Variants in FNDC3B observed in about 807,000 individuals in gnomAD.
FNDC3B encodes fibronectin type III domain containing 3B, also known as fibronectin type III domain-containing protein 3B.
A neutral mutation model predicts 151.5 loss-of-function variants in FNDC3B; 12 were observed. The ratio of observed to expected loss-of-function variants is 0.08; its 90% CI spans 0.05 to 0.13. FNDC3B has a LOEUF of 0.13. Among genes scored for constraint, FNDC3B ranks in the 10% least tolerant of loss-of-function variants. The probability of loss-of-function intolerance (pLI) is 1.00; values close to 1 mark genes in which losing one functional copy is unlikely to be tolerated. For missense variants in FNDC3B, 1,214 were observed against 1,505.3 expected, an observed-to-expected ratio of 0.81 and a Z score of 3.20; for synonymous variants, 528 against 549.0, an observed-to-expected ratio of 0.96 and a Z score of 0.54.
At chr3:172,359,662 AAT>A (rs1216964685) in intron 22 of FNDC3B, among the ~76,000 whole-genome samples, 2 of 152,218 alleles carry the variant, frequency 1.3e-5, no homozygotes, top group Admixed American at 6.5e-5. Context: ...GTTGCCGAAA[AAT>A]ATGTTACATT....
chr3:172,396,549 G>A (rs1340601426), intron 25 of FNDC3B, among the ~76,000 whole-genome samples: 2 of 152,130 alleles, frequency 1.3e-5, no homozygotes, highest in African/African-American at 2.4e-5. Flanking sequence ...CCCCCAGGCC[G>A]GGTACCAGTA....
chr3:172,132,071 G>C (rs1268342824), intron 2 of FNDC3B, among the ~76,000 whole-genome samples: 2 of 152,184 alleles, frequency 1.3e-5, no homozygotes, highest in East Asian at 3.8e-4. Flanking sequence ...AGAAGTAGTA[G>C]AGCGGGTATT....
chr3:172,254,532 A>G (rs1227694507), intron 6 of FNDC3B, among the ~76,000 whole-genome samples: 1 of 152,202 alleles, frequency 6.6e-6, no homozygotes, highest in Non-Finnish European at 1.5e-5. Context: ...GACACATAGT[A>G]GGTACTCAGT....
intron 2 of FNDC3B, among the ~76,000 whole-genome samples, chr3:172,115,912 T>C (rs1024848950): frequency 1.3e-5 from 2 of 152,208 alleles, no homozygotes; most frequent in Non-Finnish European, 2.9e-5. Flanking sequence ...ACCACAGTTA[T>C]GAGAAAGCTC....
At chr3:172,395,803 A>G (rs770344976) in intron 25 of FNDC3B, among the ~76,000 whole-genome samples, 8 of 152,258 alleles carry the variant, frequency 5.3e-5, no homozygotes, top group Admixed American at 1.3e-4. Flanking sequence ...AAGAAGGTAC[A>G]TGAACAACCA....
chr3:172,139,095 A>G lies in FNDC3B; in HGVS notation c.187+5549A>G, dbSNP rs971199337. On this transcript the variant is annotated intron_variant, in intron 3 of 25. Transcript: ENST00000415807. Reference sequence around the variant, plus strand: ...TCTCCCATCCCCCGCCCCTCCATGTATGAGTCAGCATCCAGAATGTCACAG... The same window carrying G: ...TCTCCCATCCCCCGCCCCTCCATGTGTGAGTCAGCATCCAGAATGTCACAG... Among the ~76,000 whole-genome samples, 13 of 151,646 alleles carry G rather than the reference A, an allele frequency of 8.6e-5. No homozygotes were observed. The East Asian group carries it at 2.5e-3, about 29-fold the overall frequency.
intron 5 of FNDC3B, among the ~76,000 whole-genome samples, 158 bp downstream of exon 5, chr3:172,247,934 A>G (rs1204067368): frequency 6.6e-6 from 1 of 152,170 alleles, no homozygotes; most frequent in Non-Finnish European, 1.5e-5. Context: ...TTTGTCCTGA[A>G]TGGTGCCTTG....
intron 5 of FNDC3B, among the ~76,000 whole-genome samples, chr3:172,249,959 A>C (rs1727984995): frequency 7.1e-6 from 1 of 140,742 alleles, no homozygotes; most frequent in Non-Finnish European, 1.6e-5. Flanking sequence ...TCTTGCCTTG[A>C]AGAAATTATT....
chr3:172,202,769 G>C (rs1448345926), intron 3 of FNDC3B, among the ~76,000 whole-genome samples: 1 of 152,152 alleles, frequency 6.6e-6, no homozygotes, highest in Non-Finnish European at 1.5e-5. Context: ...CATGACCCCT[G>C]GAAGAGATTG....
chr3:172,331,583 A>G (rs1297029294), intron 13 of FNDC3B, among the ~76,000 whole-genome samples: 4 of 152,042 alleles, frequency 2.6e-5, no homozygotes, highest in Non-Finnish European at 5.9e-5. Flanking sequence ...GATGGTCTCC[A>G]TCTCCTAACC....
intron 2 of FNDC3B, among the ~76,000 whole-genome samples, chr3:172,125,730 G>A (rs1364784140): frequency 6.6e-6 from 1 of 152,184 alleles, no homozygotes; most frequent in Non-Finnish European, 1.5e-5. Flanking sequence ...CAAAAGGAAA[G>A]AAAATGGCCA....
At chr3:172,197,708 C>A (rs554369874) in intron 3 of FNDC3B, among the ~76,000 whole-genome samples, 1 of 152,296 alleles carries the variant, frequency 6.6e-6, no homozygotes, top group Non-Finnish European at 1.5e-5. Context: ...TGTAGAATGT[C>A]CTATTTCAAT....
At chr3:172,067,354 T>C (rs1717548726) in intron 1 of FNDC3B, among the ~76,000 whole-genome samples, 1 of 152,168 alleles carries the variant, frequency 6.6e-6, no homozygotes, top group Admixed American at 6.5e-5. Context: ...ATGAGAAGGA[T>C]GAAAGTGGTG....
At chr3:172,392,485 A>C (rs1736058360) in intron 25 of FNDC3B, among the ~76,000 whole-genome samples, 1 of 152,174 alleles carries the variant, frequency 6.6e-6, no homozygotes, top group African/African-American at 2.4e-5. Context: ...TACCAGGTGA[A>C]CATTGGAAGC....
intron 3 of FNDC3B, among the ~76,000 whole-genome samples, chr3:172,218,472 G>A (rs1004416436): frequency 3.3e-5 from 5 of 152,190 alleles, no homozygotes; most frequent in Admixed American, 3.3e-4. Context: ...AAACTCACTT[G>A]CTCATCTAAG....
chr3:172,115,560 C>G (rs1335170730), intron 2 of FNDC3B, among the ~76,000 whole-genome samples: 1 of 152,106 alleles, frequency 6.6e-6, no homozygotes, highest in Non-Finnish European at 1.5e-5. Context: ...AGAAAGTGAT[C>G]TATATGAATG....
At chr3:172,346,923 C>T (rs1040305088) in intron 20 of FNDC3B, among the ~76,000 whole-genome samples, 6 of 152,012 alleles carry the variant, frequency 3.9e-5, no homozygotes, top group African/African-American at 1.2e-4. Context: ...AGGCTGGTCT[C>T]GAACTCCTTA....
At chr3:172,196,595 G>A (rs1444085193) in intron 3 of FNDC3B, among the ~76,000 whole-genome samples, 2 of 152,226 alleles carry the variant, frequency 1.3e-5, no homozygotes, top group African/African-American at 4.8e-5. Flanking sequence ...GTAAAATGGA[G>A]GTGGGAATTG....
At chr3:172,189,586 G>T (rs182641133) in intron 3 of FNDC3B, among the ~76,000 whole-genome samples, 1 of 152,200 alleles carries the variant, frequency 6.6e-6, no homozygotes, top group East Asian at 1.9e-4. Flanking sequence ...GGCTGAGGCA[G>T]AAGGATCACT....
Sources: allele counts gnomAD v4.1 joint callset (sites outside exome capture counted in the v4.1 genomes callset), GRCh38; gene constraint gnomAD v4.1.1; transcripts MANE v1.5; gene names NCBI Gene and HGNC (gene_info 2026-07-23, HGNC 2026-07-21).